The following GTPBP1 variants were observed in gnomAD, a reference collection of about 807,000 sequenced individuals.
The protein encoded by GTPBP1 is GTP binding protein 1.
Under a neutral mutation model 62.0 loss-of-function variants are expected in GTPBP1, and 23 were observed. That is an observed-to-expected ratio of 0.37 (90% confidence interval 0.27 to 0.53). The LOEUF is 0.53. Ranked by LOEUF, GTPBP1 falls within the 20% of genes least tolerant of loss-of-function variation. GTPBP1 has a pLI of 0.89. For missense variants in GTPBP1, 640 were observed against 917.3 expected, an observed-to-expected ratio of 0.70 and a Z score of 3.90; for synonymous variants, 344 against 364.4, an observed-to-expected ratio of 0.94 and a Z score of 0.64.
Position 38,706,114 on chromosome 22 carries a change from C to T in GTPBP1, c.159C>T (p.Leu53=). 7.7e-7 allele frequency: 1 copy of T among 1,304,804 alleles called. No individual in the cohort carries two copies. Among genetic ancestry groups the T allele is most frequent in the South Asian group, 2.0e-5 (1 of 49,514 alleles). The allele number at this position is 1,304,804 out of a possible 1,614,324, so 80.8% of individuals were successfully genotyped here. Residue 53 remains leucine, a synonymous_variant, in exon 1 of 12, where the codon CTC becomes CTT. Transcript: ENST00000216044. ...DSDCSEDGEA[L]NGEPELDLTS... Reference sequence around the variant, plus strand: ...ACTGCAGCGAGGACGGCGAGGCGCTCAACGGCGAGCCAGAGCTGGACCTCA... The same window carrying T: ...ACTGCAGCGAGGACGGCGAGGCGCTTAACGGCGAGCCAGAGCTGGACCTCA...
downstream of GTPBP1, chr22:38,738,808 A>G: frequency 6.3e-7 from 1 of 1,599,670 alleles, no homozygotes; most frequent in East Asian, 2.2e-5. The surrounding 1 kb of genome is among the most constrained non-coding windows in gnomAD (Gnocchi z 6.6). Flanking sequence ...GCTCTTGCTG[A>G]CCCCAGATGG....
At chr22:38,740,366 G>T (rs377483966), downstream of GTPBP1, 4 of 1,578,046 alleles carry the variant, frequency 2.5e-6, no homozygotes, top group Non-Finnish European at 3.4e-6. This position sits in a 1 kb window ranked among gnomAD's most constrained non-coding sequence, Gnocchi z 4.8. Context: ...GCTGCAGGCC[G>T]GCCAGCTGGT....
chr22:38,709,560 T>C (rs1451769542), intron 2 of GTPBP1, among the ~76,000 whole-genome samples: 1 of 152,200 alleles, frequency 6.6e-6, no homozygotes. Context: ...TCTAAGGTAA[T>C]AGGGCAAGCC....
chr22:38,729,174 A>C, intron 10 of GTPBP1: 6 of 280,036 alleles, frequency 2.1e-5, no homozygotes, highest in Non-Finnish European at 3.3e-5. Context: ...CTCTGCAGGA[A>C]TAGTAGCTGC....
intron 2 of GTPBP1, among the ~76,000 whole-genome samples, chr22:38,711,794 G>C (rs2092641748): frequency 6.6e-6 from 1 of 152,080 alleles, no homozygotes; most frequent in Non-Finnish European, 1.5e-5. Context: ...AGTGAGCTGA[G>C]ATGGCGAGAG....
At chr22:38,707,031 A>C (rs1185080742) in intron 1 of GTPBP1, among the ~76,000 whole-genome samples, 1 of 152,224 alleles carries the variant, frequency 6.6e-6, no homozygotes, top group Non-Finnish European at 1.5e-5. Context: ...AGGCTCTGTG[A>C]CGTTGGGAAA....
chr22:38,738,151 C>G (rs1569294129), downstream of GTPBP1: 2 of 1,611,104 alleles, frequency 1.2e-6, no homozygotes, highest in Middle Eastern at 1.6e-4. The surrounding 1 kb of genome is among the most constrained non-coding windows in gnomAD (Gnocchi z 6.6). Context: ...GCCACTTCTG[C>G]TAGCACAGCA....
intron 4 of GTPBP1, among the ~76,000 whole-genome samples, chr22:38,720,841 A>G (rs976096412): frequency 2.0e-5 from 3 of 152,174 alleles, no homozygotes; most frequent in African/African-American, 7.2e-5. Context: ...TGAAGTGGAT[A>G]TTGTTATCTC....
At position 38,727,258 on chromosome 22, in the gene GTPBP1, C is replaced by T. The variant is rs758734440; in HGVS notation, c.1447C>T (p.Arg483Cys). The T allele has an allele frequency of 7.2e-5, 115 of 1,602,598 alleles. No individual in the cohort carries two copies. Among genetic ancestry groups the T allele is most frequent in the Middle Eastern group, 1.7e-4 (1 of 6,058 alleles). Reference protein sequence around the residue: ...IRKGMVMVSPRLNPQASWEFE... With the variant: ...IRKGMVMVSPCLNPQASWEFE... ...GAAGGGCATGGTGATGGTTTCCCCA[C>T]GTTTGAATCCCCAAGCCTCCTGGGA... is the stretch of plus-strand genomic sequence containing the variant. Residue 483 changes from arginine to cysteine, a missense_variant, in exon 9 of 12, where the codon CGT becomes TGT. This residue lies in a region of GTPBP1 where 220 missense variants were observed against 358.1 expected (regional missense o/e 0.61). Transcript: ENST00000216044. The surrounding 1 kb of genome is among the most constrained non-coding windows in gnomAD (Gnocchi z 6.5).
chr22:38,728,147 G>A lies in GTPBP1; in HGVS notation c.1702G>A (p.Gly568Ser), dbSNP rs1363848192. Residue 568 changes from glycine to serine, a missense_variant, in exon 10 of 12, where the codon GGC (glycine) becomes AGC (serine). Gly to Ser is a moderately conservative substitution (Grantham distance 56). Around this residue, in one of 4 missense-constraint regions of GTPBP1, gnomAD observed 220 missense variants for 358.1 expected, o/e 0.61. Coordinates refer to ENST00000216044, the MANE Select transcript of GTPBP1 (RefSeq NM_004286.5). ...VFREGRTKAV[G>S]TITKLLQTTN... ...CCGGGAAGGCCGCACCAAGGCTGTC[G>A]GCACCATCACCAAGGTATGGCCAGG... 5 of 1,612,890 alleles carry A rather than the reference G, an allele frequency of 3.1e-6. No individual in the cohort carries two copies. The highest frequency in any genetic ancestry group is 1.1e-5 in the South Asian group (1 of 91,048).
chr22:38,736,208 G>A, downstream of GTPBP1: 1 of 1,493,076 alleles, frequency 6.7e-7, no homozygotes, highest in Non-Finnish European at 9.3e-7. Context: ...TGTGGGGGAA[G>A]CGGCGGGGTG....
chr22:38,715,604 T>A (rs1350312341), intron 2 of GTPBP1, among the ~76,000 whole-genome samples: 1 of 152,182 alleles, frequency 6.6e-6, no homozygotes, highest in African/African-American at 2.4e-5. Flanking sequence ...GGCTGTGAGC[T>A]CACTAGGGGC....
rs1020604816 is a variant in GTPBP1 at position 38,732,724 on chromosome 22, G to A, written c.*2020G>A. 1 of 152,400 alleles carries A rather than the reference G, an allele frequency of 6.6e-6. No homozygotes were observed. The highest frequency in any genetic ancestry group is 1.5e-5 in the Non-Finnish European group (1 of 68,198). The allele number at this position is 152,400 out of a possible 1,614,324, so 9.4% of individuals were successfully genotyped here. ...TTTTCTTTTTCTTTTTTGAGACGGA[G>A]TCTCGCTGTGTTGCCAGGCTGGAGT... is the stretch of plus-strand genomic sequence containing the variant. On this transcript the variant is annotated 3_prime_UTR_variant, in exon 12 of 12. Transcript: ENST00000216044.
chr22:38,738,887 G>A (rs775697034), downstream of GTPBP1: 6 of 1,606,218 alleles, frequency 3.7e-6, no homozygotes, highest in South Asian at 1.1e-5. The surrounding 1 kb of genome is among the most constrained non-coding windows in gnomAD (Gnocchi z 6.6). Context: ...AGGATGACTC[G>A]GGGTGACTGG....
At chr22:38,707,285 C>A (rs1195326650) in intron 1 of GTPBP1, among the ~76,000 whole-genome samples, 1 of 152,226 alleles carries the variant, frequency 6.6e-6, no homozygotes, top group Non-Finnish European at 1.5e-5. Flanking sequence ...TTTTATCCAG[C>A]TTTGAAAATG....
downstream of GTPBP1, chr22:38,736,440 A>G: frequency 7.1e-7 from 1 of 1,416,326 alleles, no homozygotes. Flanking sequence ...ACTGACAGAG[A>G]AGGTGGGAAG....
At chr22:38,739,691 G>A, downstream of GTPBP1, 1 of 1,603,710 alleles carries the variant, frequency 6.2e-7, no homozygotes, top group Non-Finnish European at 8.5e-7. This position sits in a 1 kb window ranked among gnomAD's most constrained non-coding sequence, Gnocchi z 6.7. Flanking sequence ...AGCTGTGGGT[G>A]GGTGTGTGGA....
At chr22:38,708,807 A>C (rs2092621355) in intron 1 of GTPBP1, 38 bp from the exon 2 acceptor site, 5 of 1,132,196 alleles carry the variant, frequency 4.4e-6, no homozygotes, top group Non-Finnish European at 5.4e-6. Context: ...GTGCTCTTCT[A>C]GCAAGTGTGG....
At position 38,706,113 on chromosome 22, in the gene GTPBP1, T is replaced by C. The variant is rs2092602571; in HGVS notation, c.158T>C (p.Leu53Pro). The change falls in exon 1 of 12, where the codon CTC (leucine) becomes CCC (proline). Residue 53 changes from leucine (L) to proline (P), a missense_variant. By Grantham distance (98) the Leu-to-Pro change is moderately conservative. Transcript: ENST00000216044. ...GACTGCAGCGAGGACGGCGAGGCGC[T>C]CAACGGCGAGCCAGAGCTGGACCTC... ...DSDCSEDGEA[L>P]NGEPELDLTS... The C allele has an allele frequency of 4.6e-6, 6 of 1,305,182 alleles. 1 individual carries two copies. In the African/African-American group the frequency reaches 9.3e-5, roughly 20 times the overall value. 80.9% of individuals were successfully genotyped at this position (1,305,182 alleles called of 1,614,324 possible). A position where few individuals can be genotyped will look rare whatever the true frequency, so the allele number is the denominator to read the frequency against.
Sources: allele counts gnomAD v4.1 joint callset (sites outside exome capture counted in the v4.1 genomes callset), GRCh38; gene constraint gnomAD v4.1.1; regional missense constraint gnomAD v4.1.1; non-coding constraint Gnocchi (gnomAD v3.1); transcripts MANE v1.5; gene names NCBI Gene and HGNC (gene_info 2026-07-23, HGNC 2026-07-21).